KLHL22: variants seen among roughly 807,000 people sequenced by gnomAD.
The protein encoded by KLHL22 is kelch like family member 22, also known as kelch-like protein 22.
Under a neutral mutation model 60.7 loss-of-function variants are expected in KLHL22, and 18 were observed. That is an observed-to-expected ratio of 0.30 (90% confidence interval 0.20 to 0.44). The LOEUF (loss-of-function observed/expected upper bound fraction) is 0.44, where lower values mean the gene tolerates loss of function less well. Ranked by LOEUF, KLHL22 falls within the 20% of genes least tolerant of loss-of-function variation. The probability of loss-of-function intolerance (pLI) is 1.00; values close to 1 mark genes in which losing one functional copy is unlikely to be tolerated. For synonymous variants in KLHL22, 355 were observed against 354.5 expected, an observed-to-expected ratio of 1.00 and a Z score of -0.01; for missense variants, 596 against 852.3, an observed-to-expected ratio of 0.70 and a Z score of 3.74.
chr22:20,464,825 A>G (rs2053205969), intron 4 of KLHL22, 33 bp downstream of exon 4: 1 of 1,355,642 alleles, frequency 7.4e-7, no homozygotes, highest in East Asian at 2.3e-5. Context: ...TCATCACCTG[A>G]AGACAAAGGG....
intron 6 of KLHL22, among the ~76,000 whole-genome samples, chr22:20,445,152 A>G (rs187632165): frequency 1.3e-5 from 2 of 151,212 alleles, no homozygotes; most frequent in African/African-American, 2.4e-5. Context: ...AAATGGTCAT[A>G]CTGAAAAACA....
rs1466206579 is a variant in KLHL22, at chr22:20,495,522, G to A, written c.-34+238C>T. ...AGGCCTCGCACCCTGGCCCCTGGCC[G>A]AGCGCCAGATCCCGGCCCCTACGCG... On this transcript the variant is annotated intron_variant, in intron 1 of 6. Transcript: ENST00000328879. This position sits in a 1 kb window ranked among gnomAD's most constrained non-coding sequence, Gnocchi z 4.6. Among the ~76,000 whole-genome samples the A allele has an allele frequency of 1.3e-5, 2 of 151,562 alleles. No homozygotes were observed. Among genetic ancestry groups the A allele is most frequent in the Non-Finnish European group, 2.9e-5 (2 of 67,836 alleles).
At chr22:20,459,764 G>T (rs1056894795) in intron 4 of KLHL22, among the ~76,000 whole-genome samples, 5 of 152,186 alleles carry the variant, frequency 3.3e-5, no homozygotes, top group African/African-American at 9.7e-5. Flanking sequence ...CTGTGGATGG[G>T]GCACAGTGCT....
At chr22:20,482,834 G>A in intron 2 of KLHL22, 1 of 1,276,188 alleles carries the variant, frequency 7.8e-7, no homozygotes, top group Non-Finnish European at 1.1e-6. Context: ...CAGAACTTTG[G>A]TGTCATTGGT....
At chr22:20,485,564 A>G (rs986784065) in intron 2 of KLHL22, among the ~76,000 whole-genome samples, 1 of 152,166 alleles carries the variant, frequency 6.6e-6, no homozygotes, top group Non-Finnish European at 1.5e-5. Context: ...AAATTTCCAC[A>G]GGACAGAAAA....
At chr22:20,449,227 A>C (rs1353857545) in intron 5 of KLHL22, among the ~76,000 whole-genome samples, 1 of 151,086 alleles carries the variant, frequency 6.6e-6, no homozygotes, top group Non-Finnish European at 1.5e-5. Context: ...CATCCAGCTA[A>C]TTTTTTGTAT....
At chr22:20,444,052 T>TAAA (rs756923432) in intron 6 of KLHL22, among the ~76,000 whole-genome samples, 7 of 36,704 alleles carry the variant, frequency 1.9e-4, no homozygotes, top group African/African-American at 8.4e-4. Context: ...CTCCATCTCA[T>TAAA]AAAAAAAAAA....
chr22:20,475,889 T>C lies in KLHL22; in HGVS notation c.228-4374A>G, dbSNP rs533416519. 5.3e-5 allele frequency among the ~76,000 whole-genome samples: 8 copies of C among 152,350 alleles called. 1 individual carries two copies. The East Asian group carries it at 1.2e-3, about 22-fold the overall frequency. ...TTCCTCTAATTTTTGAGGCTATCTT[T>C]ATCACATAGGACAGGAATAGTCTCC... is the stretch of plus-strand genomic sequence containing the variant. On this transcript the variant is annotated intron_variant, in intron 2 of 6. Transcript: ENST00000328879.
At chr22:20,451,369 G>A in intron 5 of KLHL22, 1 of 1,611,764 alleles carries the variant, frequency 6.2e-7, no homozygotes, top group Non-Finnish European at 8.5e-7. Context: ...AGCCCGGGAA[G>A]GTGCCGGACT....
chr22:20,470,719 C>CATGG (rs566014622), intron 3 of KLHL22, among the ~76,000 whole-genome samples: 13,837 of 143,334 alleles, frequency 0.097, 886 homozygotes, highest in Non-Finnish European at 0.14. Flanking sequence ...TGGATGCATG[C>CATGG]ATGGATGGAT....
chr22:20,483,627 A>C (rs2053540349), intron 2 of KLHL22: 7 of 726,826 alleles, frequency 9.6e-6, no homozygotes, highest in Non-Finnish European at 1.5e-5. Flanking sequence ...AGTCATCAGC[A>C]GCAAGACGGG....
intron 1 of KLHL22, among the ~76,000 whole-genome samples, chr22:20,494,225 A>C (rs2053735439): frequency 6.6e-6 from 1 of 152,128 alleles, no homozygotes. Flanking sequence ...TTAAAAATTA[A>C]CTAGGCATGG....
chr22:20,466,654 ATTTTTCT>A (rs917460518), intron 3 of KLHL22, among the ~76,000 whole-genome samples: 1 of 151,918 alleles, frequency 6.6e-6, no homozygotes, highest in African/African-American at 2.4e-5. Context: ...ATTTAGAATT[ATTTTTCT>A]TTTTTCTTTT....
chr22:20,477,255 G>A (rs1382115175), intron 2 of KLHL22, among the ~76,000 whole-genome samples: 1 of 151,908 alleles, frequency 6.6e-6, no homozygotes, highest in Non-Finnish European at 1.5e-5. Context: ...TAGCTGCATG[G>A]TGGTGCACAC....
intron 4 of KLHL22, among the ~76,000 whole-genome samples, chr22:20,462,292 A>T (rs1414154100): frequency 1.3e-5 from 2 of 151,482 alleles, no homozygotes; most frequent in Non-Finnish European, 2.9e-5. Context: ...AAAAAAAAAA[A>T]AAATTAAATT....
chr22:20,479,728 A>G (rs1413781831), intron 2 of KLHL22, among the ~76,000 whole-genome samples: 1 of 152,160 alleles, frequency 6.6e-6, no homozygotes, highest in Non-Finnish European at 1.5e-5. Flanking sequence ...CCAGAAAATA[A>G]CAAGCTTTAG....
chr22:20,471,267 G>T, intron 3 of KLHL22, 83 bp downstream of exon 3: 1 of 1,345,522 alleles, frequency 7.4e-7, no homozygotes, highest in Non-Finnish European at 1.0e-6. Context: ...TCAAGCCAAT[G>T]CTAGTGCCCG....
intron 2 of KLHL22, chr22:20,484,037 G>T: frequency 1.2e-6 from 1 of 822,016 alleles, no homozygotes; most frequent in Non-Finnish European, 2.1e-6. Context: ...AGGCGCCATA[G>T]CTGGGAGCCT....
intron 6 of KLHL22, among the ~76,000 whole-genome samples, chr22:20,443,515 C>G (rs1234960790): frequency 6.7e-6 from 1 of 149,124 alleles, no homozygotes; most frequent in Non-Finnish European, 1.5e-5. Flanking sequence ...CCAAGGCGGG[C>G]TGATCACAAG....
Sources: allele counts gnomAD v4.1 joint callset (sites outside exome capture counted in the v4.1 genomes callset), GRCh38; gene constraint gnomAD v4.1.1; non-coding constraint Gnocchi (gnomAD v3.1); transcripts MANE v1.5; gene names NCBI Gene and HGNC (gene_info 2026-07-23, HGNC 2026-07-21).